Variants in PACRGL observed in about 807,000 individuals in gnomAD.
PACRGL encodes the protein PACRG-like protein.
A neutral mutation model predicts 34.5 loss-of-function variants in PACRGL; 38 were observed. The observed-to-expected ratio is 1.10, with a 90% CI of 0.85 to 1.44. PACRGL has a LOEUF of 1.44. PACRGL is among the 40% of genes most tolerant of loss of function. PACRGL has a pLI of 0.00. For synonymous variants in PACRGL, 128 were observed against 100.1 expected, an observed-to-expected ratio of 1.28 and a Z score of -1.66; for missense variants, 305 against 281.4, an observed-to-expected ratio of 1.08 and a Z score of -0.60.
intron 7 of PACRGL, among the ~76,000 whole-genome samples, chr4:20,722,775 T>G (rs1332872588): frequency 1.3e-5 from 2 of 152,170 alleles, no homozygotes; most frequent in Admixed American, 6.5e-5. Context: ...GCTTAGAGGT[T>G]ATCATTCAAG....
Position 20,713,442 on chromosome 4 carries a change from A to T in PACRGL, c.512A>T (p.Asp171Val), listed in dbSNP as rs751588549. The change falls in exon 7 of 9, where the codon GAT becomes GTT. Residue 171 changes from aspartate (D) to valine (V), a missense_variant. By Grantham distance (152) the Asp-to-Val change is radical. Coordinates refer to ENST00000503585, the MANE Select transcript of PACRGL (RefSeq NM_001258345.3). Reference protein sequence around the residue: ...PVLKAALVHSDDEVFERGLNA... With the variant: ...PVLKAALVHSVDEVFERGLNA... ...TAACCAACCTTACAGGTCCATTCGG[A>T]TGATGAAGTGTTTGAAAGAGGATTG... 2 of 1,613,408 alleles carry T rather than the reference A, an allele frequency of 1.2e-6. No homozygotes were observed. The highest frequency in any genetic ancestry group is 1.7e-6 in the Non-Finnish European group (2 of 1,179,648).
chr4:20,720,199 C>T (rs535026223), intron 7 of PACRGL, among the ~76,000 whole-genome samples: 10 of 152,136 alleles, frequency 6.6e-5, no homozygotes, highest in African/African-American at 1.9e-4. Flanking sequence ...TTCCTCCATC[C>T]TTTTATTTTG....
At chr4:20,702,701 C>CA (rs1353630166) in intron 1 of PACRGL, 1 of 152,594 alleles carries the variant, frequency 6.6e-6, no homozygotes, top group Non-Finnish European at 1.5e-5. Context: ...AAGTCAGGCA[C>CA]AATATTAAAT....
At chr4:20,699,209 A>T (rs1225213948), upstream of PACRGL, among the ~76,000 whole-genome samples, 3 of 149,984 alleles carry the variant, frequency 2.0e-5, no homozygotes, top group Non-Finnish European at 4.4e-5. Flanking sequence ...GTAGCTGAAG[A>T]TACAGGATAT....
At chr4:20,724,912 G>GTC in intron 8 of PACRGL, 24 bp downstream of exon 8, 1 of 1,255,142 alleles carries the variant, frequency 8.0e-7, no homozygotes, top group South Asian at 1.8e-5. Context: ...TATTCCTTAA[G>GTC]TCTTTTTTTT....
At chr4:20,722,506 A>T (rs185061241) in intron 7 of PACRGL, among the ~76,000 whole-genome samples, 12 of 152,306 alleles carry the variant, frequency 7.9e-5, no homozygotes, top group African/African-American at 2.9e-4. Flanking sequence ...TTCCAGCAAC[A>T]ATGTGTGGCA....
chr4:20,738,188 A>G (rs1750161526), intron 8 of PACRGL, among the ~76,000 whole-genome samples: 1 of 152,172 alleles, frequency 6.6e-6, no homozygotes, highest in Non-Finnish European at 1.5e-5. Flanking sequence ...ATTGCAGAAC[A>G]TAGAGCCTTA....
intron 8 of PACRGL, chr4:20,749,593 C>A: frequency 9.1e-7 from 1 of 1,103,134 alleles, no homozygotes; most frequent in Admixed American, 1.9e-5. Flanking sequence ...CATCACCAAA[C>A]TCACATTTTC....
chr4:20,760,059 T>C, the PACRGL span, among the ~76,000 whole-genome samples: 8 of 152,298 alleles, frequency 5.3e-5, no homozygotes, highest in African/African-American at 1.9e-4. Context: ...GGCGACTATA[T>C]TTATTGACAA....
intron 5 of PACRGL, among the ~76,000 whole-genome samples, chr4:20,710,009 C>G (rs1252243607): frequency 1.3e-5 from 2 of 152,024 alleles, no homozygotes; most frequent in Non-Finnish European, 2.9e-5. Context: ...TTGTAGATAA[C>G]TAGATGAAAT....
chr4:20,720,439 A>G lies in PACRGL; in HGVS notation c.610-4369A>G, dbSNP rs1742484162. Among the ~76,000 whole-genome samples the G allele has an allele frequency of 2.0e-5, 3 of 152,064 alleles. 1 individual carries two copies. Among genetic ancestry groups the G allele is most frequent in the East Asian group, 1.9e-4 (1 of 5,188 alleles). Reference sequence around the variant, plus strand: ...CTTCCTAGCCTCGATGGTCTTTACAATTTGGCTTGTTTTTGCAGTGGCTGG... The same window carrying G: ...CTTCCTAGCCTCGATGGTCTTTACAGTTTGGCTTGTTTTTGCAGTGGCTGG... On this transcript the variant is annotated intron_variant, in intron 7 of 8. Transcript: ENST00000503585.
chr4:20,756,810 A>G (rs1368066097), downstream of PACRGL, among the ~76,000 whole-genome samples: 6 of 151,864 alleles, frequency 4.0e-5, no homozygotes, highest in Non-Finnish European at 8.8e-5. Flanking sequence ...TATTTCCATA[A>G]ACTGTTCATT....
At chr4:20,739,022 C>A (rs1301729541) in intron 8 of PACRGL, among the ~76,000 whole-genome samples, 2 of 152,172 alleles carry the variant, frequency 1.3e-5, no homozygotes, top group African/African-American at 4.8e-5. Flanking sequence ...AACTGCAAGG[C>A]AACAGTGAGG....
chr4:20,737,724 AG>A (rs1345708424), intron 8 of PACRGL, among the ~76,000 whole-genome samples: 22 of 152,330 alleles, frequency 1.4e-4, no homozygotes, highest in African/African-American at 5.3e-4. Flanking sequence ...AATTAGAGAA[AG>A]GGAGACCTCC....
chr4:20,758,800 C>T, the PACRGL span: 2 of 1,588,820 alleles, frequency 1.3e-6, no homozygotes, highest in South Asian at 1.1e-5. Flanking sequence ...AGTATGTTAA[C>T]AAGTCCACAT....
At chr4:20,718,815 G>T (rs955502836) in intron 7 of PACRGL, 7 of 152,200 alleles carry the variant, frequency 4.6e-5, no homozygotes, top group Non-Finnish European at 8.8e-5. Context: ...GTCTCTGCCA[G>T]GTTTTGGTAT....
Position 20,729,995 on chromosome 4 carries a change from C to CAATCT in PACRGL, c.*2656_*2660dup, listed in dbSNP as rs1747563351. ...TAATATGCTTCAGTGTCAAGCTGAGCAATCTATGCTAAAAGTGGTAGCTCC... is the reference window on the plus strand; with the variant it reads ...TAATATGCTTCAGTGTCAAGCTGAGCAATCTAATCTATGCTAAAAGTGGTAGCTCC... On this transcript the variant is annotated 3_prime_UTR_variant, in exon 9 of 9. Transcript: ENST00000503585. The CAATCT allele has an allele frequency of 6.9e-7, 1 of 1,445,920 alleles. No individual in the cohort carries two copies. Among genetic ancestry groups the CAATCT allele is most frequent in the Non-Finnish European group, 9.3e-7 (1 of 1,079,972 alleles). 89.6% of individuals were successfully genotyped at this position (1,445,920 alleles called of 1,614,324 possible).
chr4:20,766,523 G>A, the PACRGL span, among the ~76,000 whole-genome samples: 8 of 152,234 alleles, frequency 5.3e-5, no homozygotes, highest in African/African-American at 1.4e-4. Context: ...CCGAGATCAC[G>A]CCACTATACT....
intron 5 of PACRGL, among the ~76,000 whole-genome samples, chr4:20,710,361 G>C (rs1051388962): frequency 2.0e-5 from 3 of 152,194 alleles, no homozygotes; most frequent in Admixed American, 1.3e-4. Flanking sequence ...TTAGCTTCAA[G>C]TGAATCATTG....
Sources: gnomAD v4.1 joint callset for allele counts (sites outside exome capture counted in the v4.1 genomes callset) on GRCh38, gnomAD v4.1.1 for gene constraint, MANE v1.5 for transcripts, NCBI Gene and HGNC (gene_info 2026-07-23, HGNC 2026-07-21) for gene names.